Variants in AUTS2 observed in about 807,000 individuals in gnomAD.
AUTS2 encodes activator of transcription and developmental regulator AUTS2.
A neutral mutation model predicts 112.4 loss-of-function variants in AUTS2; 17 were observed. That is an observed-to-expected ratio of 0.15 (90% CI 0.10 to 0.23). AUTS2 has a LOEUF of 0.23. Ranked by LOEUF, AUTS2 falls within the 10% of genes least tolerant of loss-of-function variation. AUTS2 has a pLI of 1.00. For synonymous variants in AUTS2, 751 were observed against 702.7 expected (o/e 1.07, Z -1.09); for missense variants, 1,510 against 1,701.6 (o/e 0.89, Z 1.98).
At chr7:69,738,025 A>T (rs569220021) in intron 1 of AUTS2, among the ~76,000 whole-genome samples, 187 of 147,202 alleles carry the variant, frequency 1.3e-3, no homozygotes, top group African/African-American at 4.3e-3. Context: ...GCTAATTATT[A>T]TTTTTTTTTT....
chr7:69,877,507 G>T (rs960775420), intron 1 of AUTS2, among the ~76,000 whole-genome samples: 20 of 152,078 alleles, frequency 1.3e-4, no homozygotes, highest in Non-Finnish European at 8.8e-5. Flanking sequence ...ACATGCAGGG[G>T]TGTTACCTGA....
rs1350663342 is a variant in AUTS2, at chr7:70,474,228, A to G, written c.690+38447A>G. 3.9e-5 allele frequency among the ~76,000 whole-genome samples: 6 copies of G among 152,360 alleles called. No homozygotes were observed. The South Asian group carries it at 6.2e-4, about 16-fold the overall frequency. ...GGCCAAAGATTTCTCACAGAGGGCA[A>G]CACGTAATTAGGTAATCTGACTCAC... On this transcript the variant is annotated intron_variant, in intron 5 of 18. Coordinates refer to ENST00000342771, the MANE Select transcript of AUTS2 (RefSeq NM_015570.4).
chr7:70,240,429 G>A (rs1812551191), intron 4 of AUTS2, among the ~76,000 whole-genome samples: 1 of 152,190 alleles, frequency 6.6e-6, no homozygotes, highest in East Asian at 1.9e-4. Context: ...GGAAGGAGCT[G>A]GGTAAATGAT....
intron 1 of AUTS2, among the ~76,000 whole-genome samples, chr7:69,730,653 T>G (rs1208515930): frequency 1.3e-5 from 2 of 152,228 alleles, no homozygotes; most frequent in African/African-American, 4.8e-5. Context: ...ATTTTTTTAA[T>G]GCACTTAAGC....
At chr7:69,746,320 A>C (rs1787494677) in intron 1 of AUTS2, among the ~76,000 whole-genome samples, 1 of 152,206 alleles carries the variant, frequency 6.6e-6, no homozygotes, top group Non-Finnish European at 1.5e-5. Context: ...AGCAACAAAC[A>C]AAACAGGCTC....
chr7:69,790,495 A>G (rs564232149), intron 1 of AUTS2, among the ~76,000 whole-genome samples: 34 of 152,336 alleles, frequency 2.2e-4, no homozygotes, highest in African/African-American at 7.2e-4. Context: ...GTAAAATCGT[A>G]TAATAGGAAC....
intron 1 of AUTS2, among the ~76,000 whole-genome samples, chr7:69,826,680 CCTA>C (rs1354963061): frequency 6.6e-6 from 1 of 152,182 alleles, no homozygotes; most frequent in Non-Finnish European, 1.5e-5. Flanking sequence ...CTCCAAAATG[CCTA>C]CTTTCACTTT....
At chr7:70,728,638 G>A (rs1787172737) in intron 6 of AUTS2, among the ~76,000 whole-genome samples, 1 of 151,414 alleles carries the variant, frequency 6.6e-6, no homozygotes, top group Non-Finnish European at 1.5e-5. Flanking sequence ...AACCTGGGAG[G>A]CGGAGGTTGC....
chr7:70,351,954 C>T (rs10237530), intron 4 of AUTS2, among the ~76,000 whole-genome samples: 44,071 of 152,032 alleles, frequency 0.29, 6,706 homozygotes, highest in African/African-American at 0.38. Context: ...CCACCTGTTT[C>T]GGCCTCCCAA....
At chr7:70,677,683 A>G (rs1807987698) in intron 5 of AUTS2, among the ~76,000 whole-genome samples, 1 of 151,358 alleles carries the variant, frequency 6.6e-6, no homozygotes, top group Non-Finnish European at 1.5e-5. Context: ...TCGGCCTCCC[A>G]AGGTTCTGGG....
chr7:70,111,787 C>T (rs1238046502), intron 2 of AUTS2, among the ~76,000 whole-genome samples: 7 of 152,032 alleles, frequency 4.6e-5, no homozygotes, highest in Admixed American at 2.6e-4. Flanking sequence ...CTTTAGACTG[C>T]TTAATTATGG....
chr7:70,327,342 T>A (rs1003299178), intron 4 of AUTS2, among the ~76,000 whole-genome samples: 1 of 152,212 alleles, frequency 6.6e-6, no homozygotes, highest in East Asian at 1.9e-4. Context: ...GGCAGTAGCT[T>A]CTAGAGTAAC....
intron 6 of AUTS2, among the ~76,000 whole-genome samples, chr7:70,703,651 G>C (rs908466915): frequency 2.0e-5 from 3 of 152,074 alleles, no homozygotes; most frequent in African/African-American, 2.4e-5. Context: ...TTCCTCCTAG[G>C]GTCTTGGGTT....
Position 70,140,179 on chromosome 7 carries a change from A to G in AUTS2, c.660+5608A>G, listed in dbSNP as rs565035491. Among the ~76,000 whole-genome samples, 7 of 152,244 alleles carry G rather than the reference A, an allele frequency of 4.6e-5. No individual in the cohort carries two copies. In the East Asian group the frequency reaches 1.4e-3, roughly 29 times the overall value. On this transcript the variant is annotated intron_variant, in intron 4 of 18. Transcript: ENST00000342771. ...GCAGTGGCTAGATAGGATCAGATTC[A>G]GGTTTGGATTTTGGCAAGGATGCCT...
At chr7:70,722,442 C>T (rs577039674) in intron 6 of AUTS2, among the ~76,000 whole-genome samples, 83 of 152,200 alleles carry the variant, frequency 5.5e-4, no homozygotes, top group African/African-American at 1.6e-3. Flanking sequence ...ATAATTATAG[C>T]TGTATAGCCA....
chr7:70,355,796 A>G (rs1005999216), intron 4 of AUTS2, among the ~76,000 whole-genome samples: 1 of 152,152 alleles, frequency 6.6e-6, no homozygotes, highest in Non-Finnish European at 1.5e-5. Context: ...TCAACCTAAA[A>G]AAAGATAGAT....
chr7:69,740,523 CT>C (rs11433491), intron 1 of AUTS2, among the ~76,000 whole-genome samples: 2 of 150,186 alleles, frequency 1.3e-5, no homozygotes, highest in Admixed American at 6.6e-5. Context: ...TCAGAAATGT[CT>C]TTTTTTTTTC....
intron 2 of AUTS2, among the ~76,000 whole-genome samples, chr7:69,978,920 A>C (rs2129549602): frequency 6.6e-6 from 1 of 151,468 alleles, no homozygotes; most frequent in South Asian, 2.1e-4. Flanking sequence ...GCACACACAC[A>C]CGCACACACA....
intron 4 of AUTS2, among the ~76,000 whole-genome samples, chr7:70,418,537 A>C (rs1585122742): frequency 6.6e-6 from 1 of 152,194 alleles, no homozygotes; most frequent in South Asian, 2.1e-4. Context: ...AAAAAGTCAT[A>C]GCTGAGACAT....
Sources: gnomAD v4.1 joint callset for allele counts (sites outside exome capture counted in the v4.1 genomes callset) on GRCh38, gnomAD v4.1.1 for gene constraint, MANE v1.5 for transcripts, NCBI Gene and HGNC (gene_info 2026-07-23, HGNC 2026-07-21) for gene names.